Variants in FER1L6 observed in about 807,000 individuals in gnomAD.
FER1L6 encodes fer-1-like protein 6.
A neutral mutation model predicts 219.2 loss-of-function variants in FER1L6; 177 were observed. The ratio of observed to expected loss-of-function variants is 0.81; its 90% CI spans 0.71 to 0.91. FER1L6 has a LOEUF of 0.91. FER1L6 is among the 40% of genes least tolerant of loss of function. The probability of loss-of-function intolerance (pLI) is 0.00; values close to 1 mark genes in which losing one functional copy is unlikely to be tolerated. For synonymous variants in FER1L6, 768 were observed against 824.3 expected (o/e 0.93, Z 1.17); for missense variants, 2,153 against 2,259.9 (o/e 0.95, Z 0.96).
chr8:123,933,646 A>G (rs549276477), intron 1 of FER1L6, among the ~76,000 whole-genome samples: 5 of 152,312 alleles, frequency 3.3e-5, no homozygotes, highest in Non-Finnish European at 4.4e-5. Flanking sequence ...TTTCTTATTG[A>G]GCAACATGAG....
chr8:123,909,866 C>G (rs1813021201), intron 1 of FER1L6, among the ~76,000 whole-genome samples: 1 of 152,104 alleles, frequency 6.6e-6, no homozygotes, highest in African/African-American at 2.4e-5. Context: ...AGGACTGTGT[C>G]TATGGAAGTT....
At chr8:124,094,875 G>A (rs777327040) in intron 34 of FER1L6, 21 bp from the exon 35 acceptor site, 4 of 1,613,592 alleles carry the variant, frequency 2.5e-6, no homozygotes, top group Non-Finnish European at 8.5e-7. Flanking sequence ...CATCTGACAA[G>A]TTTGTCTTTC....
At chr8:124,095,560 G>C (rs1641231177) in intron 35 of FER1L6, among the ~76,000 whole-genome samples, 1 of 152,188 alleles carries the variant, frequency 6.6e-6, no homozygotes, top group Admixed American at 6.5e-5. Context: ...AAAATACCTA[G>C]AGAGCTGGGC....
At chr8:123,934,136 A>T (rs1331158214) in intron 1 of FER1L6, among the ~76,000 whole-genome samples, 1 of 152,140 alleles carries the variant, frequency 6.6e-6, no homozygotes, top group Non-Finnish European at 1.5e-5. Flanking sequence ...TTTGAGACCA[A>T]GTCTCACTCT....
intron 20 of FER1L6, among the ~76,000 whole-genome samples, chr8:124,044,232 C>T (rs1014632271): frequency 6.6e-6 from 1 of 152,222 alleles, no homozygotes; most frequent in Non-Finnish European, 1.5e-5. Flanking sequence ...GTCACTGACA[C>T]AGGGTAACTT....
At chr8:124,072,791 A>G (rs1821131309) in intron 31 of FER1L6, among the ~76,000 whole-genome samples, 1 of 152,212 alleles carries the variant, frequency 6.6e-6, no homozygotes. Context: ...AGTCAACATG[A>G]AACACCACCC....
chr8:123,910,431 C>G (rs2129767229), intron 1 of FER1L6, among the ~76,000 whole-genome samples: 1 of 152,328 alleles, frequency 6.6e-6, no homozygotes, highest in Non-Finnish European at 1.5e-5. Flanking sequence ...TTTCGTTCAG[C>G]ATTGCCGGAG....
chr8:124,095,301 A>C (rs765875716), intron 35 of FER1L6, among the ~76,000 whole-genome samples: 8 of 152,238 alleles, frequency 5.3e-5, no homozygotes, highest in Non-Finnish European at 1.2e-4. Flanking sequence ...ATAATGCTGA[A>C]TTTGAGAAGC....
At chr8:123,874,963 G>A (rs778164076) in intron 1 of FER1L6, among the ~76,000 whole-genome samples, 3 of 152,146 alleles carry the variant, frequency 2.0e-5, no homozygotes, top group Non-Finnish European at 2.9e-5. Flanking sequence ...TTGGGAGGCT[G>A]ATGGGGGCAG....
chr8:124,119,436 T>A (rs1823388265), intron 40 of FER1L6, among the ~76,000 whole-genome samples, 171 bp from the exon 41 acceptor site: 1 of 152,154 alleles, frequency 6.6e-6, no homozygotes, highest in Admixed American at 6.5e-5. Context: ...GGAATCCTCA[T>A]CATATAAATG....
chr8:123,925,198 G>A (rs1813516935), intron 1 of FER1L6, among the ~76,000 whole-genome samples: 1 of 152,194 alleles, frequency 6.6e-6, no homozygotes, highest in African/African-American at 2.4e-5. Flanking sequence ...TAGTTAGGAG[G>A]GAGACAGTCT....
At position 124,009,201 on chromosome 8, in the gene FER1L6, A is replaced by G. The variant is rs191215154; in HGVS notation, c.1701-1393A>G. On this transcript the variant is annotated intron_variant, in intron 13 of 40. Transcript: ENST00000522917. ...CTTTTCTTCCTGTTTTCCCTCTCTC[A>G]TTTAAAACCATCCTCCTTCTGCACT... Among the ~76,000 whole-genome samples, 353 of 152,314 alleles carry G rather than the reference A, an allele frequency of 2.3e-3. 2 individuals are homozygous for G. The highest frequency in any genetic ancestry group is 4.3e-3 in the Non-Finnish European group (290 of 68,028).
chr8:123,969,892 T>A, intron 5 of FER1L6, 143 bp from the exon 6 acceptor site: 2 of 575,200 alleles, frequency 3.5e-6, no homozygotes, highest in Non-Finnish European at 6.1e-6. Flanking sequence ...AAAAAGAGAA[T>A]TGACAATTGA....
rs865898825 is a variant in FER1L6, at chr8:124,091,353, A to C, written c.4392-70A>C. 56 of 1,300,466 alleles carry C rather than the reference A, an allele frequency of 4.3e-5. No individual in the cohort carries two copies. In the Middle Eastern group the frequency reaches 1.1e-3, roughly 26 times the overall value. The allele number at this position is 1,300,466 out of a possible 1,614,324, so 80.6% of individuals were successfully genotyped here. ...AGAATAGCAAGTTAAATCTGAAAGA[A>C]ACTGCACAGATCATACTGGGTGGTT... is the stretch of plus-strand genomic sequence containing the variant. On this transcript the variant is annotated intron_variant, in intron 33 of 40. Coordinates refer to ENST00000522917, the MANE Select transcript of FER1L6 (RefSeq NM_001039112.2).
chr8:123,996,659 G>T (rs765513582), intron 12 of FER1L6, among the ~76,000 whole-genome samples: 1 of 151,960 alleles, frequency 6.6e-6, no homozygotes, highest in African/African-American at 2.4e-5. Context: ...ACTTACTTCT[G>T]CTATTTTGTT....
intron 17 of FER1L6, among the ~76,000 whole-genome samples, 191 bp downstream of exon 17, chr8:124,021,860 T>TC: frequency 6.6e-6 from 1 of 151,946 alleles, no homozygotes; most frequent in Non-Finnish European, 1.5e-5. Context: ...TATTCATTTT[T>TC]TTTTCACAAA....
rs958955491 is a variant in FER1L6 at position 123,975,436 on chromosome 8, C to T, written c.683+130C>T. 9 of 836,816 alleles carry T rather than the reference C, an allele frequency of 1.1e-5. No homozygotes were observed. The African/African-American group carries it at 1.6e-4, about 15-fold the overall frequency. The allele number at this position is 836,816 out of a possible 1,614,324, so 51.8% of individuals were successfully genotyped here. ...CTTCTCAGCTTGGTCACCTGGCATT[C>T]TGCTCTATCAGACACCAAGATGTGT... On this transcript the variant is annotated intron_variant, in intron 8 of 40. Coordinates refer to ENST00000522917, the MANE Select transcript of FER1L6 (RefSeq NM_001039112.2).
intron 33 of FER1L6, among the ~76,000 whole-genome samples, chr8:124,088,758 A>G (rs1821892291): frequency 6.6e-6 from 1 of 152,046 alleles, no homozygotes; most frequent in African/African-American, 2.4e-5. Context: ...TCAAGGCATC[A>G]CGTTCCCTTC....
intron 1 of FER1L6, among the ~76,000 whole-genome samples, chr8:123,855,155 T>TG (rs1343978555): frequency 6.6e-6 from 1 of 152,166 alleles, no homozygotes; most frequent in African/African-American, 2.4e-5. Flanking sequence ...AGGGGACAGA[T>TG]GAAAAGGCTG....
Sources: gnomAD v4.1 joint callset for allele counts (sites outside exome capture counted in the v4.1 genomes callset) on GRCh38, gnomAD v4.1.1 for gene constraint, MANE v1.5 for transcripts, NCBI Gene and HGNC (gene_info 2026-07-23, HGNC 2026-07-21) for gene names.